The following PCDHGA6 variants were observed in gnomAD, a reference collection of about 807,000 sequenced individuals.
PCDHGA6 encodes protocadherin gamma-A6.
A neutral mutation model predicts 60.6 loss-of-function variants in PCDHGA6; 41 were observed. The ratio of observed to expected loss-of-function variants is 0.68; its 90% CI spans 0.53 to 0.88. The LOEUF is 0.88. Ranked by LOEUF, PCDHGA6 falls within the 40% of genes least tolerant of loss-of-function variation. PCDHGA6 has a pLI of 0.00. For missense variants in PCDHGA6, 1,312 were observed against 1,203.0 expected (o/e 1.09, Z -1.34); for synonymous variants, 594 against 524.4 (o/e 1.13, Z -1.81).
intron 1 of PCDHGA6, among the ~76,000 whole-genome samples, chr5:141,463,762 T>C (rs113547206): frequency 2.0e-5 from 3 of 152,214 alleles, no homozygotes; most frequent in African/African-American, 4.8e-5. Flanking sequence ...TCTTCTCTTA[T>C]GGGTTAGAAT....
intron 2 of PCDHGA6, among the ~76,000 whole-genome samples, chr5:141,505,177 A>T (rs917485235): frequency 6.6e-6 from 1 of 152,180 alleles, no homozygotes. Context: ...AAAAGAAAAA[A>T]GCATCGGAGG....
At position 141,433,142 on chromosome 5, in the gene PCDHGA6, G is replaced by T. The variant is rs2097571106; in HGVS notation, c.2424+56635G>T. On this transcript the variant is annotated intron_variant, in intron 1 of 3. Coordinates refer to ENST00000517434, the MANE Select transcript of PCDHGA6 (RefSeq NM_018919.3). ...AAAAAGCGAGCCCCTTTTGCTGTCA[G>T]GTGATTCGGTATTTTCTAAAGACAG... The T allele has an allele frequency of 4.7e-5, 76 of 1,613,992 alleles. No homozygotes were observed. Among genetic ancestry groups the T allele is most frequent in the Non-Finnish European group, 6.4e-5 (76 of 1,180,016 alleles).
At chr5:141,478,127 C>A (rs1323163663) in intron 1 of PCDHGA6, 1 of 1,614,106 alleles carries the variant, frequency 6.2e-7, no homozygotes, top group South Asian at 1.1e-5. Flanking sequence ...CGAGGACTCT[C>A]CTGAAGCCCG....
At chr5:141,383,288 T>A (rs1441416956) in intron 1 of PCDHGA6, 2 of 1,613,768 alleles carry the variant, frequency 1.2e-6, no homozygotes, top group Middle Eastern at 1.6e-4. Flanking sequence ...AATGACAACG[T>A]TCCAAGATTC....
At position 141,403,424 on chromosome 5, in the gene PCDHGA6, A is replaced by G. The variant is rs771429615; in HGVS notation, c.2424+26917A>G. ...AGCACGTTATCCACTTCCAGAAGCT[A>G]TTGATCCGGATGTTGGCGTGAACTC... is the stretch of plus-strand genomic sequence containing the variant. On this transcript the variant is annotated intron_variant, in intron 1 of 3. Transcript: ENST00000517434. The G allele has an allele frequency of 3.1e-6, 5 of 1,613,932 alleles. No homozygotes were observed. In the African/African-American group the frequency reaches 4.0e-5, roughly 13 times the overall value.
chr5:141,387,661 G>C (rs2091032284), intron 1 of PCDHGA6: 2 of 656,114 alleles, frequency 3.0e-6, no homozygotes, highest in East Asian at 5.7e-5. Context: ...AGAGCTTGGC[G>C]CTCCAGATCT....
rs758715682 is a variant in PCDHGA6, at chr5:141,490,062, C to T, written c.2425-4745C>T. The T allele has an allele frequency of 2.6e-5, 42 of 1,614,100 alleles. No individual in the cohort carries two copies. The highest frequency in any genetic ancestry group is 3.3e-5 in the South Asian group (3 of 91,086). On this transcript the variant is annotated intron_variant, in intron 1 of 3. Coordinates refer to ENST00000517434, the MANE Select transcript of PCDHGA6 (RefSeq NM_018919.3). The surrounding 1 kb of genome is among the most constrained non-coding windows in gnomAD (Gnocchi z 5.4). The stretch of plus-strand genomic sequence containing the variant: ...CCACTGATCCAGACGAGGGCACCAA[C>T]GGCCAACTAGACTATTCTTTTGGAG...
At position 141,383,086 on chromosome 5, in the gene PCDHGA6, G is replaced by A. The variant is rs373805952; in HGVS notation, c.2424+6579G>A. 3.1e-6 allele frequency: 5 copies of A among 1,613,788 alleles called. No individual in the cohort carries two copies. The African/African-American group carries it at 6.7e-5, about 22-fold the overall frequency. On this transcript the variant is annotated intron_variant, in intron 1 of 3. Transcript: ENST00000517434. ...GGAGCCCCGGGAGCTGGCGGAGCGC[G>A]GAGTCCGCATCATCTCCAGAGGTAG...
intron 1 of PCDHGA6, chr5:141,383,450 G>A: frequency 6.2e-7 from 1 of 1,613,960 alleles, no homozygotes; most frequent in Non-Finnish European, 8.5e-7. Context: ...GCTGTGCAAA[G>A]TGGAGACGAT....
At chr5:141,509,344 T>A (rs2099876374) in intron 3 of PCDHGA6, among the ~76,000 whole-genome samples, 1 of 152,202 alleles carries the variant, frequency 6.6e-6, no homozygotes, top group Admixed American at 6.5e-5. Flanking sequence ...GGGCCTGGGC[T>A]GGCCTGGGCA....
Position 141,464,191 on chromosome 5 carries a change from G to C in PCDHGA6, c.2425-30616G>C, listed in dbSNP as rs185888723. Among the ~76,000 whole-genome samples, 583 of 151,818 alleles carry C rather than the reference G, an allele frequency of 3.8e-3. 6 individuals are homozygous for C. Among genetic ancestry groups the C allele is most frequent in the Admixed American group, 0.011 (166 of 15,202 alleles). On this transcript the variant is annotated intron_variant, in intron 1 of 3. Transcript: ENST00000517434. ...GAGGCAGGAGAATTGCTTGATTTCA[G>C]GAGGCGGAGATTGCAGTGAGCTGAG...
Position 141,491,478 on chromosome 5 carries a change from C to A in PCDHGA6, c.2425-3329C>A. ...CCCCGGACTTCTATAAGCAGTCCAG[C>A]CCCAACCTGCAGGTGAGCTCGGACG... On this transcript the variant is annotated intron_variant, in intron 1 of 3. Coordinates refer to ENST00000517434, the MANE Select transcript of PCDHGA6 (RefSeq NM_018919.3). The surrounding 1 kb of genome is among the most constrained non-coding windows in gnomAD (Gnocchi z 6.9). 6.2e-7 allele frequency: 1 copy of A among 1,614,068 alleles called. No individual in the cohort carries two copies. Among genetic ancestry groups the A allele is most frequent in the Non-Finnish European group, 8.5e-7 (1 of 1,180,004 alleles).
rs377535875 is a variant in PCDHGA6 at position 141,374,270 on chromosome 5, G to A, written c.187G>A (p.Gly63Arg). 2 of 1,613,872 alleles carry A rather than the reference G, an allele frequency of 1.2e-6. No homozygotes were observed. Among genetic ancestry groups the A allele is most frequent in the African/African-American group, 1.3e-5 (1 of 74,938 alleles). The change falls in exon 1 of 4, where the codon GGA (glycine) becomes AGA (arginine). Residue 63 changes from glycine (G) to arginine (R), a missense_variant. Gly to Arg is a moderately radical substitution (Grantham distance 125). Transcript: ENST00000517434. Reference protein sequence around the residue: ...GLEPQELAEHGVRIVSRGRMQ... With the variant: ...GLEPQELAEHRVRIVSRGRMQ... ...GGAGCCCCAGGAGTTGGCGGAGCACGGAGTCCGCATCGTCTCCAGAGGTAG... is the reference window on the plus strand; with the variant it reads ...GGAGCCCCAGGAGTTGGCGGAGCACAGAGTCCGCATCGTCTCCAGAGGTAG...
chr5:141,427,751 C>T (rs778043340), intron 1 of PCDHGA6: 1 of 1,306,072 alleles, frequency 7.7e-7, no homozygotes, highest in South Asian at 1.2e-5. Flanking sequence ...CCTACTCCAT[C>T]GTTACCACTG....
intron 1 of PCDHGA6, chr5:141,468,497 C>T (rs1033597673): frequency 2.0e-5 from 3 of 152,074 alleles, no homozygotes; most frequent in Non-Finnish European, 4.4e-5. Context: ...GGAAGATTTT[C>T]ATGTGGACAA....
chr5:141,397,648 C>T (rs1045102412), intron 1 of PCDHGA6, among the ~76,000 whole-genome samples: 5 of 152,148 alleles, frequency 3.3e-5, no homozygotes, highest in African/African-American at 1.2e-4. Context: ...GGTATGTTTG[C>T]AGAATGGTGA....
Position 141,375,597 on chromosome 5 carries a change from T to C in PCDHGA6, c.1514T>C (p.Val505Ala). 2.5e-6 allele frequency: 4 copies of C among 1,614,160 alleles called. No individual in the cohort carries two copies. Among genetic ancestry groups the C allele is most frequent in the Non-Finnish European group, 3.4e-6 (4 of 1,180,014 alleles). ...TLQGAPLSSY[V>A]SINSDTGILY... ...CAGGGGGCGCCCCTGTCCTCCTACG[T>C]GTCCATCAACTCCGACACTGGGATT... is the stretch of plus-strand genomic sequence containing the variant. Residue 505 changes from valine to alanine, a missense_variant, in exon 1 of 4, where the codon GTG (valine) becomes GCG (alanine). Physicochemically the swap from Val to Ala is moderately conservative, Grantham distance 64. Transcript: ENST00000517434.
intron 1 of PCDHGA6, among the ~76,000 whole-genome samples, chr5:141,492,893 C>T (rs936521362): frequency 2.0e-5 from 3 of 152,178 alleles, no homozygotes; most frequent in Admixed American, 6.5e-5. Flanking sequence ...AGGCTTTTGG[C>T]GCCGTCGTGA....
At chr5:141,503,230 G>A (rs911238781) in intron 2 of PCDHGA6, among the ~76,000 whole-genome samples, 1 of 152,006 alleles carries the variant, frequency 6.6e-6, no homozygotes, top group African/African-American at 2.4e-5. Context: ...CCGTAAAGAT[G>A]GACAGTTTCT....
Sources: gnomAD v4.1 joint callset for allele counts (sites outside exome capture counted in the v4.1 genomes callset) on GRCh38, gnomAD v4.1.1 for gene constraint, Gnocchi (gnomAD v3.1) non-coding constraint, MANE v1.5 for transcripts, NCBI Gene and HGNC (gene_info 2026-07-23, HGNC 2026-07-21) for gene names.